DDC: variants seen among roughly 807,000 people sequenced by gnomAD.
DDC encodes aromatic-L-amino-acid decarboxylase.
DDC carries 43 observed loss-of-function variants against 60.0 expected under a neutral mutation model. That is an observed-to-expected ratio of 0.72 (90% CI 0.56 to 0.92). DDC has a LOEUF of 0.92. Among genes scored for constraint, DDC ranks in the 40% least tolerant of loss-of-function variants. The pLI, the probability that DDC is intolerant of heterozygous loss-of-function variation, is 0.00. For missense variants in DDC, 573 were observed against 620.2 expected, an observed-to-expected ratio of 0.92 and a Z score of 0.81; for synonymous variants, 232 against 234.6, an observed-to-expected ratio of 0.99 and a Z score of 0.10.
intron 10 of DDC, among the ~76,000 whole-genome samples, chr7:50,478,634 T>C (rs1014347676): frequency 7.2e-5 from 11 of 152,240 alleles, no homozygotes; most frequent in Non-Finnish European, 1.6e-4. Flanking sequence ...CCTTGCACAA[T>C]TCTTTACTGT....
At chr7:50,481,795 A>G (rs1428068902) in intron 9 of DDC, among the ~76,000 whole-genome samples, 7 of 152,230 alleles carry the variant, frequency 4.6e-5, no homozygotes, top group African/African-American at 1.7e-4. Context: ...TGCTAAACAT[A>G]CTGTACCATA....
chr7:50,463,899 G>A (rs2042339584), intron 13 of DDC, among the ~76,000 whole-genome samples: 1 of 152,170 alleles, frequency 6.6e-6, no homozygotes, highest in Admixed American at 6.5e-5. Flanking sequence ...ACAGGACCGA[G>A]CAACCACTGG....
chr7:50,537,658 G>A (rs572506129), intron 4 of DDC, among the ~76,000 whole-genome samples: 26 of 152,194 alleles, frequency 1.7e-4, no homozygotes, highest in Non-Finnish European at 3.1e-4. Flanking sequence ...CTGGGGAAGC[G>A]AGTGAAAGAC....
chr7:50,527,335 TAA>T (rs1343557499), intron 6 of DDC, among the ~76,000 whole-genome samples: 4 of 152,224 alleles, frequency 2.6e-5, no homozygotes, highest in Non-Finnish European at 5.9e-5. Context: ...TCTTGAAACC[TAA>T]AAGAGTGTGT....
At chr7:50,560,236 C>G (rs1429251922) in intron 1 of DDC, among the ~76,000 whole-genome samples, 1 of 152,162 alleles carries the variant, frequency 6.6e-6, no homozygotes, top group Non-Finnish European at 1.5e-5. Context: ...CTCTGCTTAT[C>G]TGAATGAGAA....
At chr7:50,554,550 G>A (rs995848906) in intron 1 of DDC, among the ~76,000 whole-genome samples, 6 of 151,730 alleles carry the variant, frequency 4.0e-5, no homozygotes, top group African/African-American at 1.2e-4. Flanking sequence ...AAACTCATCT[G>A]TTTACAAACT....
At chr7:50,459,877 AG>A (rs1469277675) in intron 14 of DDC, among the ~76,000 whole-genome samples, 4 of 118,646 alleles carry the variant, frequency 3.4e-5, no homozygotes, top group Non-Finnish European at 6.7e-5. Flanking sequence ...TCCGGGAGGG[AG>A]GTGGGGGGGT....
chr7:50,528,093 G>T, intron 6 of DDC, 44 bp downstream of exon 6: 1 of 1,608,892 alleles, frequency 6.2e-7, no homozygotes, highest in Non-Finnish European at 8.5e-7. Flanking sequence ...TAGAGACGGA[G>T]TTTCACCTTA....
intron 1 of DDC, among the ~76,000 whole-genome samples, chr7:50,554,688 A>G (rs1243689765): frequency 1.3e-5 from 2 of 152,226 alleles, no homozygotes; most frequent in Non-Finnish European, 2.9e-5. Context: ...GCTCAGGCCT[A>G]CTTTCCATAC....
At chr7:50,460,793 G>T (rs1026432679) in intron 14 of DDC, among the ~76,000 whole-genome samples, 3 of 151,660 alleles carry the variant, frequency 2.0e-5, no homozygotes, top group Admixed American at 2.0e-4. Flanking sequence ...GTCCACTCAG[G>T]GTTAAATGGA....
chr7:50,553,489 T>C (rs1268621070), intron 1 of DDC, among the ~76,000 whole-genome samples: 52 of 138,316 alleles, frequency 3.8e-4, no homozygotes, highest in African/African-American at 9.2e-4. Context: ...CTTTTCTTTT[T>C]TTTTTTTTTT....
chr7:50,461,397 CAAA>C (rs199690758), intron 14 of DDC, among the ~76,000 whole-genome samples: 3,234 of 152,226 alleles, frequency 0.021, 122 homozygotes, highest in African/African-American at 0.072. Flanking sequence ...CTAATCTGTC[CAAA>C]ACAACATACA....
At chr7:50,526,801 T>A (rs190069384) in intron 6 of DDC, among the ~76,000 whole-genome samples, 25 of 152,268 alleles carry the variant, frequency 1.6e-4, no homozygotes, top group Admixed American at 1.0e-3. Context: ...CATTAGCCAA[T>A]AGAAAACATA....
At chr7:50,540,113 C>T in intron 2 of DDC, 85 bp from the exon 3 acceptor site, 1 of 1,030,998 alleles carries the variant, frequency 9.7e-7, no homozygotes, top group Non-Finnish European at 1.5e-6. Flanking sequence ...CCCATGGCTC[C>T]CAGCTGCCAG....
chr7:50,499,098 T>C (rs1467892020), intron 8 of DDC, 50 bp downstream of exon 8: 2 of 1,391,986 alleles, frequency 1.4e-6, no homozygotes, highest in Non-Finnish European at 2.0e-6. Context: ...GAGAGGTCAA[T>C]AACAGAGCAC....
intron 1 of DDC, among the ~76,000 whole-genome samples, chr7:50,552,500 G>A (rs1294859372): frequency 6.6e-6 from 1 of 152,142 alleles, no homozygotes; most frequent in Non-Finnish European, 1.5e-5. Flanking sequence ...TTTTGCATCA[G>A]CAACAGTCAG....
chr7:50,468,519 C>T (rs115105112), intron 12 of DDC, among the ~76,000 whole-genome samples: 1,659 of 152,238 alleles, frequency 0.011, 31 homozygotes, highest in African/African-American at 0.038. Context: ...TCCCAGTTCT[C>T]GCCCCCAAAC....
intron 8 of DDC, among the ~76,000 whole-genome samples, chr7:50,496,093 CTCTT>C (rs2043120979): frequency 6.7e-6 from 1 of 148,462 alleles, no homozygotes; most frequent in African/African-American, 2.4e-5. Flanking sequence ...ATGCTTCTCT[CTCTT>C]TTTTTTTTTT....
chr7:50,531,559 C>T (rs1025313035), intron 4 of DDC, among the ~76,000 whole-genome samples: 2 of 149,908 alleles, frequency 1.3e-5, no homozygotes, highest in Non-Finnish European at 3.0e-5. Context: ...ACCATGACAA[C>T]TCATTATGGC....
Sources: gnomAD v4.1 joint callset for allele counts (sites outside exome capture counted in the v4.1 genomes callset) on GRCh38, gnomAD v4.1.1 for gene constraint, MANE v1.5 for transcripts, NCBI Gene and HGNC (gene_info 2026-07-23, HGNC 2026-07-21) for gene names.